NRG1: variants seen among roughly 807,000 people sequenced by gnomAD.
NRG1 encodes the protein pro-neuregulin-1, membrane-bound isoform.
In NRG1, 18 loss-of-function variants were observed where a neutral mutation model predicts 63.8. That is an observed-to-expected ratio of 0.28 (90% CI 0.19 to 0.42). The LOEUF (loss-of-function observed/expected upper bound fraction) is 0.42, where lower values mean the gene tolerates loss of function less well. Among genes scored for constraint, NRG1 ranks in the 10% least tolerant of loss-of-function variants. The pLI, the probability that NRG1 is intolerant of heterozygous loss-of-function variation, is 1.00. For missense variants in NRG1, 762 were observed against 814.7 expected (o/e 0.94, Z 0.79); for synonymous variants, 302 against 301.3 (o/e 1.00, Z -0.02).
At chr8:32,418,750 T>A (rs1816288229) in intron 1 of NRG1, among the ~76,000 whole-genome samples, 1 of 152,198 alleles carries the variant, frequency 6.6e-6, no homozygotes, top group South Asian at 2.1e-4. Context: ...TCAGTAAATA[T>A]GTTTAAGAAA....
At position 31,640,077 on chromosome 8, in the gene NRG1, G is replaced by GCTGCTGCCA; in HGVS notation, c.37+649_37+657dup. The GCTGCTGCCA allele has an allele frequency of 8.8e-7, 1 of 1,135,142 alleles. No homozygotes were observed. Among genetic ancestry groups the GCTGCTGCCA allele is most frequent in the Non-Finnish European group, 1.1e-6 (1 of 927,344 alleles). The allele number at this position is 1,135,142 out of a possible 1,614,324, so 70.3% of individuals were successfully genotyped here. ...CCGCCCGCTCGTCGCCGCCGCTGCCGCTGCTGCCACTACTGCTGCTGCTGG... is the reference window on the plus strand; with the variant it reads ...CCGCCCGCTCGTCGCCGCCGCTGCCGCTGCTGCCACTGCTGCCACTACTGCTGCTGCTGG... On this transcript the variant is annotated intron_variant, in intron 1 of 10. Coordinates refer to the NRG1 transcript ENST00000519301. This position sits in a 1 kb window ranked among gnomAD's most constrained non-coding sequence, Gnocchi z 6.3.
chr8:32,444,314 T>C (rs1390489590), intron 1 of NRG1, among the ~76,000 whole-genome samples: 1 of 149,036 alleles, frequency 6.7e-6, no homozygotes, highest in Non-Finnish European at 1.5e-5. Flanking sequence ...GGTGGTTTTG[T>C]TTGTTTGTTT....
intron 1 of NRG1, among the ~76,000 whole-genome samples, chr8:32,225,088 T>A (rs1435351615): frequency 6.6e-6 from 1 of 152,170 alleles, no homozygotes; most frequent in Non-Finnish European, 1.5e-5. Flanking sequence ...GCATTTAAAA[T>A]TGAGTCTTGC....
chr8:32,462,590 T>C (rs1228273233), intron 1 of NRG1, among the ~76,000 whole-genome samples: 2 of 143,638 alleles, frequency 1.4e-5, no homozygotes, highest in Non-Finnish European at 3.0e-5. Context: ...CTAGACACAC[T>C]GATTCTTTTT....
intron 1 of NRG1, among the ~76,000 whole-genome samples, chr8:32,569,905 C>CT (rs1209336043): frequency 0.036 from 4,331 of 121,580 alleles, 163 homozygotes; most frequent in African/African-American, 0.067. Context: ...TGATAGTTAT[C>CT]TTTTTTTTTT....
chr8:32,355,464 A>G (rs962120083), intron 1 of NRG1, among the ~76,000 whole-genome samples: 121 of 152,316 alleles, frequency 7.9e-4, no homozygotes, highest in African/African-American at 2.8e-3. Flanking sequence ...CGTCTCAAAA[A>G]AACAAAATGG....
intron 1 of NRG1, among the ~76,000 whole-genome samples, chr8:31,882,329 T>TAAAAAA (rs745615085): frequency 1.3e-5 from 1 of 79,820 alleles, no homozygotes; most frequent in Non-Finnish European, 2.4e-5. Context: ...GCTCAAAAAC[T>TAAAAAA]AAAAAAAAAA....
chr8:32,461,724 T>C (rs1822341502), intron 1 of NRG1, among the ~76,000 whole-genome samples: 1 of 152,050 alleles, frequency 6.6e-6, no homozygotes, highest in Non-Finnish European at 1.5e-5. Context: ...TCAGAGAAGA[T>C]ATCCTAGAAC....
intron 1 of NRG1, among the ~76,000 whole-genome samples, chr8:31,856,276 A>G (rs565821441): frequency 4.6e-5 from 7 of 152,158 alleles, no homozygotes; most frequent in African/African-American, 1.7e-4. Context: ...TGGTCTTTTC[A>G]CATAGTCCCA....
rs545203491 is a variant in NRG1, at chr8:32,452,688, A to G, written c.38-143140A>G. On this transcript the variant is annotated intron_variant, in intron 1 of 10. Coordinates refer to the NRG1 transcript ENST00000519301. ...ATAGATCTGATGGAAAAACAGAAGTATAGAGGGTAATATTCTAATGTGTAA... is the reference window on the plus strand; with the variant it reads ...ATAGATCTGATGGAAAAACAGAAGTGTAGAGGGTAATATTCTAATGTGTAA... 6.3e-5 allele frequency among the ~76,000 whole-genome samples: 6 copies of G among 95,034 alleles called. No individual in the cohort carries two copies. The South Asian group carries it at 1.9e-3, about 31-fold the overall frequency. The allele number at this position is 95,034 out of a possible 152,430, so 62.3% of individuals were successfully genotyped here.
intron 5 of NRG1, among the ~76,000 whole-genome samples, chr8:32,619,641 C>T (rs2129542258): frequency 6.6e-6 from 1 of 152,280 alleles, no homozygotes; most frequent in Non-Finnish European, 1.5e-5. Context: ...CTAACCAATT[C>T]ATTGTGAGGT....
chr8:32,215,976 G>A (rs551300977), intron 1 of NRG1, among the ~76,000 whole-genome samples: 1 of 151,932 alleles, frequency 6.6e-6, no homozygotes, highest in Admixed American at 6.6e-5. Context: ...GGGAAGCAGA[G>A]GTTGCAGTGA....
chr8:32,763,668 G>A (rs1403872863), intron 11 of NRG1, 80 bp from the exon 12 acceptor site: 34 of 1,349,738 alleles, frequency 2.5e-5, no homozygotes, highest in African/African-American at 8.7e-5. Flanking sequence ...ATATAATACC[G>A]TGAACTCTGT....
intron 1 of NRG1, among the ~76,000 whole-genome samples, chr8:31,672,381 C>G (rs1176469295): frequency 6.6e-6 from 1 of 152,008 alleles, no homozygotes; most frequent in African/African-American, 2.4e-5. Flanking sequence ...ATTCATTTAA[C>G]AAAGATGGAA....
intron 1 of NRG1, among the ~76,000 whole-genome samples, chr8:32,015,306 C>T (rs144223877): frequency 1.3e-5 from 2 of 152,164 alleles, no homozygotes; most frequent in East Asian, 3.9e-4. Flanking sequence ...AACATCGTAA[C>T]AGGAAAAAAT....
At chr8:32,296,502 T>C (rs1284817330) in intron 1 of NRG1, among the ~76,000 whole-genome samples, 1 of 151,438 alleles carries the variant, frequency 6.6e-6, no homozygotes, top group East Asian at 2.0e-4. Context: ...TAATCCCAAC[T>C]ACTTGGGAGG....
In NRG1 at chr8:31,815,570, C is replaced by G. The variant is rs114830704; in HGVS notation, c.37+176139C>G. 3.9e-3 allele frequency among the ~76,000 whole-genome samples: 594 copies of G among 152,242 alleles called. 5 individuals carry two copies. The highest frequency in any genetic ancestry group is 0.014 in the African/African-American group (575 of 41,538). ...TATAAACATGAATGTACAGATATCTCTTTGAGTCCCTGCTTTCGGTTCTTA... is the reference window on the plus strand; with the variant it reads ...TATAAACATGAATGTACAGATATCTGTTTGAGTCCCTGCTTTCGGTTCTTA... On this transcript the variant is annotated intron_variant, in intron 1 of 10. Coordinates refer to the NRG1 transcript ENST00000519301.
intron 7 of NRG1, chr8:32,748,832 T>A (rs972574435): frequency 8.6e-6 from 3 of 349,374 alleles, no homozygotes; most frequent in Non-Finnish European, 1.1e-5. Flanking sequence ...ACAGAACTTA[T>A]ATGAGAAAAA....
intron 1 of NRG1, among the ~76,000 whole-genome samples, chr8:32,187,666 CA>C (rs1842094837): frequency 1.3e-5 from 2 of 151,538 alleles, no homozygotes; most frequent in African/African-American, 4.9e-5. Flanking sequence ...ACTTCACTAT[CA>C]AGAAAGAAGG....
Sources: allele counts gnomAD v4.1 joint callset (sites outside exome capture counted in the v4.1 genomes callset), GRCh38; gene constraint gnomAD v4.1.1; non-coding constraint Gnocchi (gnomAD v3.1); transcripts MANE v1.5; gene names NCBI Gene and HGNC (gene_info 2026-07-23, HGNC 2026-07-21).